Variants in ZSCAN25 observed in about 807,000 individuals in gnomAD.
The protein encoded by ZSCAN25 is zinc finger and SCAN domain containing 25.
Under a neutral mutation model 38.7 loss-of-function variants are expected in ZSCAN25, and 27 were observed. The ratio of observed to expected loss-of-function variants is 0.70; its 90% CI spans 0.51 to 0.96. The LOEUF is 0.96. ZSCAN25 is among the 40% of genes least tolerant of loss of function. ZSCAN25 has a pLI of 0.00. For synonymous variants in ZSCAN25, 273 were observed against 277.7 expected, an observed-to-expected ratio of 0.98 and a Z score of 0.17; for missense variants, 637 against 705.9, an observed-to-expected ratio of 0.90 and a Z score of 1.11.
At chr7:99,657,495 AC>A in the ZSCAN25 span, among the ~76,000 whole-genome samples, 1 of 152,202 alleles carries the variant, frequency 6.6e-6, no homozygotes, top group Admixed American at 6.5e-5. Context: ...GGAGTGCTTT[AC>A]TTCCAACTAT....
At chr7:99,687,546 T>G in the ZSCAN25 span, among the ~76,000 whole-genome samples, 1 of 152,196 alleles carries the variant, frequency 6.6e-6, no homozygotes, top group African/African-American at 2.4e-5. Flanking sequence ...TACGTCTCAC[T>G]GGTGGACCTG....
At chr7:99,733,194 G>A in the ZSCAN25 span, among the ~76,000 whole-genome samples, 6 of 152,302 alleles carry the variant, frequency 3.9e-5, no homozygotes, top group African/African-American at 1.4e-4. Flanking sequence ...CACAGCCATG[G>A]AAAATCAATG....
At chr7:99,647,098 C>T in the ZSCAN25 span, among the ~76,000 whole-genome samples, 2 of 152,340 alleles carry the variant, frequency 1.3e-5, no homozygotes, top group African/African-American at 2.4e-5. Context: ...TTCTATGTAG[C>T]CAACTCTCAC....
At chr7:99,701,628 G>T in the ZSCAN25 span, among the ~76,000 whole-genome samples, 1 of 152,116 alleles carries the variant, frequency 6.6e-6, no homozygotes, top group African/African-American at 2.4e-5. Flanking sequence ...CTGTCTTTTG[G>T]ATTAAAACCA....
the ZSCAN25 span, among the ~76,000 whole-genome samples, chr7:99,708,258 G>T: frequency 6.6e-6 from 1 of 152,146 alleles, no homozygotes; most frequent in Non-Finnish European, 1.5e-5. Context: ...AGTCAGGATG[G>T]TGATGTGTTC....
the ZSCAN25 span, among the ~76,000 whole-genome samples, chr7:99,657,389 G>A: frequency 1.1e-4 from 17 of 152,110 alleles, no homozygotes; most frequent in African/African-American, 3.1e-4. Context: ...GTAGTTGAGC[G>A]GTTTTGAGTG....
At chr7:99,703,892 A>G in the ZSCAN25 span, among the ~76,000 whole-genome samples, 2 of 151,908 alleles carry the variant, frequency 1.3e-5, no homozygotes, top group East Asian at 3.9e-4. Flanking sequence ...CTGTTTCCAC[A>G]TGAACACCCA....
the ZSCAN25 span, chr7:99,665,182 T>C: frequency 2.0e-3 from 3,291 of 1,612,158 alleles, 67 homozygotes; most frequent in African/African-American, 0.04. Context: ...AGAGAAATAA[T>C]GGATCTAAGA....
In ZSCAN25 at chr7:99,629,688, G is replaced by T. The variant is rs568696932; in HGVS notation, c.1303G>T (p.Asp435Tyr). The T allele has an allele frequency of 6.2e-7, 1 of 1,614,098 alleles. No homozygotes were observed. Among genetic ancestry groups the T allele is most frequent in the South Asian group, 1.1e-5 (1 of 91,090 alleles). ...HTGEKPYKCG[D>Y]CWKSFSRRQH... ...TGGGGAGAAGCCCTACAAGTGCGGGGACTGCTGGAAGAGCTTCAGCCGCAG... is the reference window on the plus strand; with the variant it reads ...TGGGGAGAAGCCCTACAAGTGCGGGTACTGCTGGAAGAGCTTCAGCCGCAG... The change falls in exon 8 of 8, where the codon GAC (aspartate) becomes TAC (tyrosine). Residue 435 changes from aspartate (D) to tyrosine (Y), a missense_variant. Physicochemically the swap from Asp to Tyr is radical, Grantham distance 160 (BLOSUM62 -3). Coordinates refer to ENST00000394152, the MANE Select transcript of ZSCAN25 (RefSeq NM_145115.3). The surrounding 1 kb of genome is among the most constrained non-coding windows in gnomAD (Gnocchi z 5.6).
chr7:99,716,334 C>T, the ZSCAN25 span, among the ~76,000 whole-genome samples: 5 of 152,158 alleles, frequency 3.3e-5, no homozygotes, highest in South Asian at 2.1e-4. Context: ...TGCCCAGAGC[C>T]GATTCCTCTT....
chr7:99,676,024 AACTCCCTCCCAAGGAGGGGCATTTTT>A, the ZSCAN25 span: 3 of 1,096,326 alleles, frequency 2.7e-6, no homozygotes, highest in Non-Finnish European at 2.8e-6. Context: ...GAAACCTCAG[AACTCCCTCCCAAGGAGGGGCATTTTT>A]ACTGATGGAA....
chr7:99,665,174 A>C, the ZSCAN25 span: 1 of 1,610,442 alleles, frequency 6.2e-7, no homozygotes, highest in Non-Finnish European at 8.5e-7. Context: ...ACTTATTGAG[A>C]GAAATAATGG....
At chr7:99,734,692 G>A in the ZSCAN25 span, among the ~76,000 whole-genome samples, 1 of 149,888 alleles carries the variant, frequency 6.7e-6, no homozygotes, top group Non-Finnish European at 1.5e-5. Context: ...CATGATCTCA[G>A]TTCACTGCAA....
chr7:99,707,874 T>C, the ZSCAN25 span: 5 of 1,613,926 alleles, frequency 3.1e-6, no homozygotes, highest in South Asian at 3.3e-5. Flanking sequence ...GCAAGTTTCA[T>C]GTTCACGAGA....
the ZSCAN25 span, among the ~76,000 whole-genome samples, chr7:99,690,030 C>T: frequency 2.2e-4 from 34 of 152,302 alleles, no homozygotes; most frequent in East Asian, 3.9e-4. Flanking sequence ...GCAGGCATCA[C>T]GCTACCTGAC....
the ZSCAN25 span, among the ~76,000 whole-genome samples, chr7:99,703,517 A>G: frequency 6.6e-6 from 1 of 152,140 alleles, no homozygotes; most frequent in African/African-American, 2.4e-5. Context: ...ATCTATCTAT[A>G]TATCTATCGT....
chr7:99,629,113 C>G lies in ZSCAN25; in HGVS notation c.806-78C>G, dbSNP rs1223719623. The stretch of plus-strand genomic sequence containing the variant: ...AAAGAGAAGGAACCATGAATGGGAC[C>G]CCTGTGAAGCAGAGTTCTAACATGT... On this transcript the variant is annotated intron_variant, in intron 7 of 7. Coordinates refer to ENST00000394152, the MANE Select transcript of ZSCAN25 (RefSeq NM_145115.3). The surrounding 1 kb of genome is among the most constrained non-coding windows in gnomAD (Gnocchi z 5.6). 6.7e-7 allele frequency: 1 copy of G among 1,501,872 alleles called. No homozygotes were observed. The highest frequency in any genetic ancestry group is 1.4e-5 in the African/African-American group (1 of 71,302). The allele number at this position is 1,501,872 out of a possible 1,614,324, so 93.0% of individuals were successfully genotyped here.
the ZSCAN25 span, chr7:99,672,800 C>A: frequency 2.5e-5 from 38 of 1,535,224 alleles, no homozygotes; most frequent in Non-Finnish European, 3.3e-5. Flanking sequence ...TTGTACGACA[C>A]ACAGCAACCT....
chr7:99,672,724 C>G, the ZSCAN25 span: 1 of 1,611,554 alleles, frequency 6.2e-7, no homozygotes, highest in Non-Finnish European at 8.5e-7. Flanking sequence ...TAGCCCGATT[C>G]TGCAGCTGGA....
Sources: gnomAD v4.1 joint callset for allele counts (sites outside exome capture counted in the v4.1 genomes callset) on GRCh38, gnomAD v4.1.1 for gene constraint, Gnocchi (gnomAD v3.1) non-coding constraint, MANE v1.5 for transcripts, NCBI Gene and HGNC (gene_info 2026-07-23, HGNC 2026-07-21) for gene names.